The following PCDH15 variants were observed in gnomAD, a reference collection of about 807,000 sequenced individuals.
PCDH15 encodes protocadherin related 15, also known as protocadherin-15.
A neutral mutation model predicts 178.5 loss-of-function variants in PCDH15; 129 were observed. The ratio of observed to expected loss-of-function variants is 0.72; its 90% confidence interval spans 0.63 to 0.84. The LOEUF (loss-of-function observed/expected upper bound fraction) is 0.84, where lower values mean the gene tolerates loss of function less well. Among genes scored for constraint, PCDH15 ranks in the 40% least tolerant of loss-of-function variants. The pLI, the probability that PCDH15 is intolerant of heterozygous loss-of-function variation, is 0.00. For missense variants in PCDH15, 2,230 were observed against 2,099.9 expected, an observed-to-expected ratio of 1.06 and a Z score of -1.21; for synonymous variants, 800 against 732.0, an observed-to-expected ratio of 1.09 and a Z score of -1.50.
At chr10:55,048,941 CA>C (rs1457308616) in intron 2 of PCDH15, among the ~76,000 whole-genome samples, 1 of 151,772 alleles carries the variant, frequency 6.6e-6, no homozygotes. Flanking sequence ...TCTTGTTATT[CA>C]ATAGCTTATT....
intron 2 of PCDH15, among the ~76,000 whole-genome samples, chr10:55,097,597 G>A (rs1167513920): frequency 6.6e-6 from 1 of 152,034 alleles, no homozygotes; most frequent in Non-Finnish European, 1.5e-5. Flanking sequence ...CTTACAGACA[G>A]TTGTATTTCT....
intron 20 of PCDH15, among the ~76,000 whole-genome samples, chr10:54,015,077 A>G (rs571650221): frequency 2.0e-5 from 3 of 152,194 alleles, no homozygotes; most frequent in African/African-American, 4.8e-5. Context: ...ATACCAAATC[A>G]ATGTACAAAA....
At chr10:54,591,909 A>G (rs2091912725) in intron 2 of PCDH15, among the ~76,000 whole-genome samples, 1 of 152,150 alleles carries the variant, frequency 6.6e-6, no homozygotes, top group South Asian at 2.1e-4. Context: ...AACTACGCTC[A>G]ACATGACCCA....
intron 3 of PCDH15, among the ~76,000 whole-genome samples, chr10:54,822,727 G>A (rs1310003967): frequency 6.6e-6 from 1 of 151,794 alleles, no homozygotes; most frequent in African/African-American, 2.4e-5. Context: ...TTCCATAGCA[G>A]CAGTACTACT....
At chr10:55,139,181 G>T (rs1838281632) in intron 2 of PCDH15, among the ~76,000 whole-genome samples, 1 of 151,832 alleles carries the variant, frequency 6.6e-6, no homozygotes, top group South Asian at 2.1e-4. Flanking sequence ...TTTAAATCTT[G>T]AGTTTTTAGA....
intron 13 of PCDH15, among the ~76,000 whole-genome samples, chr10:54,158,923 C>A (rs1459646154): frequency 6.6e-6 from 1 of 151,856 alleles, no homozygotes; most frequent in African/African-American, 2.4e-5. Flanking sequence ...CTGGCTAACA[C>A]GGTGAAACCC....
intron 5 of PCDH15, among the ~76,000 whole-genome samples, chr10:54,359,313 A>G (rs1227253990): frequency 1.3e-5 from 2 of 151,892 alleles, no homozygotes; most frequent in Non-Finnish European, 2.9e-5. Context: ...TATGAATTTG[A>G]ATTAATAATG....
At chr10:54,805,106 G>A (rs547689547), upstream of PCDH15, among the ~76,000 whole-genome samples, 6 of 150,310 alleles carry the variant, frequency 4.0e-5, no homozygotes, top group East Asian at 3.9e-4. Context: ...TCAAAGTATC[G>A]GGTTAAATAT....
At chr10:53,962,666 T>C (rs1035960817) in intron 21 of PCDH15, among the ~76,000 whole-genome samples, 4 of 152,124 alleles carry the variant, frequency 2.6e-5, no homozygotes, top group African/African-American at 9.7e-5. Flanking sequence ...TTACAATAAG[T>C]TAAAGAGTGC....
chr10:55,078,939 CT>C (rs1841974561), intron 2 of PCDH15, among the ~76,000 whole-genome samples: 1 of 152,118 alleles, frequency 6.6e-6, no homozygotes, highest in African/African-American at 2.4e-5. Flanking sequence ...AATTTTCATT[CT>C]ATTCAATGAG....
In PCDH15 at chr10:55,564,712, T is replaced by C. The variant is rs186285292; in HGVS notation, c.-156+62913A>G. Among the ~76,000 whole-genome samples the C allele has an allele frequency of 2.1e-3, 319 of 151,742 alleles. 1 individual carries two copies. The highest frequency in any genetic ancestry group is 7.0e-3 in the African/African-American group (292 of 41,484). On this transcript the variant is annotated intron_variant, in intron 2 of 5. Coordinates refer to the PCDH15 transcript ENST00000613346. ...AACCATAAGAGTACTGGGGTGGTTA[T>C]ATTAATACCAGATAAAATAGACTTT... is the stretch of plus-strand genomic sequence containing the variant.
intron 2 of PCDH15, among the ~76,000 whole-genome samples, chr10:54,962,776 T>C (rs747737291): frequency 1.3e-5 from 2 of 152,112 alleles, no homozygotes; most frequent in Non-Finnish European, 2.9e-5. Context: ...CTGGCTAACC[T>C]TTAGCAGGCA....
At chr10:54,243,824 T>C (rs1275580941) in intron 8 of PCDH15, among the ~76,000 whole-genome samples, 2 of 152,232 alleles carry the variant, frequency 1.3e-5, no homozygotes, top group Middle Eastern at 3.2e-3. Flanking sequence ...GTGAGATTAT[T>C]TTAAAAAATA....
chr10:53,810,722 C>A (rs754362838), intron 36 of PCDH15, 58 bp from the exon 37 acceptor site: 1 of 1,416,812 alleles, frequency 7.1e-7, no homozygotes, highest in East Asian at 2.3e-5. Flanking sequence ...TAGAATCTAC[C>A]ATGAGTGATC....
intron 3 of PCDH15, among the ~76,000 whole-genome samples, chr10:54,879,210 A>G (rs896334803): frequency 7.5e-5 from 11 of 146,146 alleles, no homozygotes; most frequent in Non-Finnish European, 1.2e-4. Context: ...GTGTGCTTGT[A>G]TGTGTGTGTG....
intron 1 of PCDH15, among the ~76,000 whole-genome samples, chr10:54,714,915 ATGT>A (rs1380575838): frequency 6.6e-6 from 1 of 152,144 alleles, no homozygotes; most frequent in Admixed American, 6.6e-5. Flanking sequence ...TTTTAACATC[ATGT>A]TGTGTGGTAA....
chr10:54,109,532 T>C (rs967437234), intron 15 of PCDH15, among the ~76,000 whole-genome samples: 2 of 152,204 alleles, frequency 1.3e-5, no homozygotes, highest in African/African-American at 2.4e-5. Flanking sequence ...ACATGATTGA[T>C]CTGGACATCA....
rs374141989 is a variant in PCDH15, at chr10:55,222,710, T to TACACACACACACAC, written c.-155-56073_-155-56060dup. ...AAGTAATGATAATTTTATATCTTTA[T>TACACACACACACAC]ACACACACACACACACACACATATA... is the stretch of plus-strand genomic sequence containing the variant. On this transcript the variant is annotated intron_variant, in intron 1 of 5. Coordinates refer to the PCDH15 transcript ENST00000458638. Among the ~76,000 whole-genome samples the TACACACACACACAC allele has an allele frequency of 3.2e-3, 136 of 42,128 alleles. 2 individuals are homozygous for TACACACACACACAC. The highest frequency in any genetic ancestry group is 7.5e-3 in the African/African-American group (89 of 11,894). 27.6% of individuals were successfully genotyped at this position (42,128 alleles called of 152,430 possible). A position where few individuals can be genotyped will look rare whatever the true frequency, so the allele number is the denominator to read the frequency against.
intron 8 of PCDH15, among the ~76,000 whole-genome samples, chr10:54,249,529 T>A (rs2132065289): frequency 6.6e-6 from 1 of 152,324 alleles, no homozygotes; most frequent in Non-Finnish European, 1.5e-5. Flanking sequence ...TTGGGCATTT[T>A]AAAATTTTAT....
Sources: gnomAD v4.1 joint callset for allele counts (sites outside exome capture counted in the v4.1 genomes callset) on GRCh38, gnomAD v4.1.1 for gene constraint, MANE v1.5 for transcripts, NCBI Gene and HGNC (gene_info 2026-07-23, HGNC 2026-07-21) for gene names.